SCML4: variants seen among roughly 807,000 people sequenced by gnomAD.
SCML4 encodes the protein Scm polycomb group protein like 4.
In SCML4, 34 loss-of-function variants were observed where a neutral mutation model predicts 41.1. That is an observed-to-expected ratio of 0.83 (90% CI 0.63 to 1.10). SCML4 has a LOEUF of 1.10. Among genes scored for constraint, SCML4 ranks in the 50% least tolerant of loss-of-function variants. The probability of loss-of-function intolerance (pLI) is 0.00; values close to 1 mark genes in which losing one functional copy is unlikely to be tolerated. For missense variants in SCML4, 522 were observed against 534.1 expected, an observed-to-expected ratio of 0.98 and a Z score of 0.22; for synonymous variants, 214 against 220.9, an observed-to-expected ratio of 0.97 and a Z score of 0.28.
intron 1 of SCML4, among the ~76,000 whole-genome samples, chr6:107,813,860 A>G (rs897024922): frequency 2.4e-4 from 37 of 152,090 alleles, no homozygotes; most frequent in Non-Finnish European, 4.0e-4. Context: ...CACATCCAGG[A>G]TGGGTTCTTC....
At chr6:107,739,612 G>A (rs72933118) in intron 5 of SCML4, among the ~76,000 whole-genome samples, 3,182 of 152,058 alleles carry the variant, frequency 0.021, 52 homozygotes, top group Non-Finnish European at 0.033. Context: ...TCCTGTTCGG[G>A]AACAATGTGG....
chr6:107,760,759 C>T (rs781411723), intron 2 of SCML4, among the ~76,000 whole-genome samples: 3 of 152,100 alleles, frequency 2.0e-5, no homozygotes, highest in African/African-American at 7.2e-5. Context: ...TAAAAACACA[C>T]AGCAATGAAG....
At chr6:107,786,254 A>G (rs1180550410) in intron 1 of SCML4, among the ~76,000 whole-genome samples, 1 of 152,190 alleles carries the variant, frequency 6.6e-6, no homozygotes, top group Admixed American at 6.5e-5. Context: ...GTTGGAGTCA[A>G]AGAAGAGGCA....
chr6:107,734,347 A>G (rs1776846457), intron 5 of SCML4, among the ~76,000 whole-genome samples: 1 of 152,232 alleles, frequency 6.6e-6, no homozygotes, highest in African/African-American at 2.4e-5. Context: ...AAAGGGGTCA[A>G]CGTGACTCAA....
chr6:107,817,213 A>G (rs1389317135), intron 1 of SCML4, among the ~76,000 whole-genome samples: 3 of 152,190 alleles, frequency 2.0e-5, no homozygotes, highest in African/African-American at 7.2e-5. Context: ...TTAATCTCAC[A>G]CTACCGTGGT....
rs1027710487 is a variant in SCML4 at position 107,776,159 on chromosome 6, CA to C, written c.-59-3774del. ...AACCAGAAAGATTGATAGACATGAC[CA>C]CGTAAAACTCAAACACTTTCATAAA... On this transcript the variant is annotated intron_variant, in intron 1 of 7. Transcript: ENST00000369020. Among the ~76,000 whole-genome samples, 118 of 151,954 alleles carry C rather than the reference CA, an allele frequency of 7.8e-4. 1 individual carries two copies. Among genetic ancestry groups the C allele is most frequent in the African/African-American group, 2.8e-3 (117 of 41,450 alleles).
chr6:107,781,212 C>A (rs1028577430), intron 1 of SCML4, among the ~76,000 whole-genome samples: 1 of 151,906 alleles, frequency 6.6e-6, no homozygotes, highest in African/African-American at 2.4e-5. Flanking sequence ...AAATTAGCAA[C>A]AAAAATTAGA....
intron 1 of SCML4, among the ~76,000 whole-genome samples, chr6:107,804,586 C>A (rs564050747): frequency 2.8e-4 from 42 of 152,070 alleles, no homozygotes; most frequent in African/African-American, 7.2e-4. Flanking sequence ...GACACACACA[C>A]CTATTTAATT....
rs181382667 is a variant in SCML4 at position 107,703,511 on chromosome 6, C to T, written c.*1689G>A. The stretch of plus-strand genomic sequence containing the variant: ...GTACTGCACATGAAAGTGGGCCTAA[C>T]GGCATGGCATGGACTATTTCTTATG... On this transcript the variant is annotated 3_prime_UTR_variant, in exon 8 of 8. Transcript: ENST00000369020. 1.2e-3 allele frequency among the ~76,000 whole-genome samples: 181 copies of T among 152,332 alleles called. 1 individual carries two copies. The highest frequency in any genetic ancestry group is 4.2e-3 in the African/African-American group (174 of 41,576).
intron 5 of SCML4, among the ~76,000 whole-genome samples, chr6:107,733,307 T>C (rs1447967227): frequency 6.6e-6 from 1 of 152,222 alleles, no homozygotes; most frequent in African/African-American, 2.4e-5. Context: ...ATGTCCAGAT[T>C]GGAAGTTGTC....
At chr6:107,709,116 C>G (rs1263600804) in intron 6 of SCML4, among the ~76,000 whole-genome samples, 1 of 152,154 alleles carries the variant, frequency 6.6e-6, no homozygotes, top group Non-Finnish European at 1.5e-5. Context: ...ATGTCCTTTT[C>G]TTCCTACTGC....
chr6:107,723,968 A>G (rs2114416417), intron 5 of SCML4, among the ~76,000 whole-genome samples: 1 of 152,328 alleles, frequency 6.6e-6, no homozygotes, highest in South Asian at 2.1e-4. Flanking sequence ...ACCATGACCA[A>G]GTAGGATTTA....
intron 4 of SCML4, 187 bp downstream of exon 4, chr6:107,746,502 G>C: frequency 1.9e-6 from 1 of 520,092 alleles, no homozygotes. Context: ...TTCTTACCCG[G>C]GCATGGAATC....
At position 107,749,704 on chromosome 6, in the gene SCML4, G is replaced by A. The variant is rs376604668; in HGVS notation, c.266C>T (p.Ala89Val). 130 of 1,613,836 alleles carry A rather than the reference G, an allele frequency of 8.1e-5. No homozygotes were observed. The highest frequency in any genetic ancestry group is 1.2e-4 in the South Asian group (11 of 91,074). Residue 89 changes from alanine to valine, a missense_variant, in exon 3 of 8, where the codon GCG becomes GTG. By Grantham distance (64) the Ala-to-Val change is moderately conservative. Coordinates refer to ENST00000369020, the MANE Select transcript of SCML4 (RefSeq NM_198081.5). ...CCTACCTGTGAGAGCCTGTGGGGCCGCCAAGCTGGGGACCGTGGCTGCGTC... is the reference window on the plus strand; with the variant it reads ...CCTACCTGTGAGAGCCTGTGGGGCCACCAAGCTGGGGACCGTGGCTGCGTC... ...PQDAATVPSL[A>V]APQALTVCLY...
intron 2 of SCML4, among the ~76,000 whole-genome samples, chr6:107,771,932 A>G (rs1780550176): frequency 6.6e-6 from 1 of 152,178 alleles, no homozygotes; most frequent in African/African-American, 2.4e-5. Context: ...CTCACTCACA[A>G]CTTTCCCCAT....
chr6:107,713,518 C>T (rs755817236), intron 6 of SCML4, among the ~76,000 whole-genome samples: 3 of 152,240 alleles, frequency 2.0e-5, no homozygotes, highest in African/African-American at 2.4e-5. Context: ...CCAGGCTTCC[C>T]GTCCCTCCTG....
At chr6:107,733,296 C>T (rs1048211182) in intron 5 of SCML4, among the ~76,000 whole-genome samples, 2 of 152,206 alleles carry the variant, frequency 1.3e-5, no homozygotes, top group South Asian at 2.1e-4. Context: ...CTTGATTCTG[C>T]ATGTCCAGAT....
chr6:107,714,711 CGTT>C (rs1774577692), intron 6 of SCML4, among the ~76,000 whole-genome samples: 2 of 152,110 alleles, frequency 1.3e-5, no homozygotes, highest in African/African-American at 4.8e-5. Context: ...TAAAACACCT[CGTT>C]GAGCTGTTGC....
intron 7 of SCML4, among the ~76,000 whole-genome samples, chr6:107,705,544 CG>C (rs1310948225): frequency 6.6e-6 from 1 of 152,134 alleles, no homozygotes; most frequent in African/African-American, 2.4e-5. Flanking sequence ...ATTTGATACA[CG>C]GGGTGTTTCA....
Sources: allele counts gnomAD v4.1 joint callset (sites outside exome capture counted in the v4.1 genomes callset), GRCh38; gene constraint gnomAD v4.1.1; transcripts MANE v1.5; gene names NCBI Gene and HGNC (gene_info 2026-07-23, HGNC 2026-07-21).